The following MAP9 variants were observed in gnomAD, a reference collection of about 807,000 sequenced individuals.
The protein encoded by MAP9 is microtubule-associated protein 9.
A neutral mutation model predicts 75.2 loss-of-function variants in MAP9; 80 were observed. That is an observed-to-expected ratio of 1.06 (90% CI 0.89 to 1.28). The LOEUF (loss-of-function observed/expected upper bound fraction) is 1.28, where lower values mean the gene tolerates loss of function less well. Ranked by LOEUF, MAP9 falls within the 50% of genes most tolerant of loss-of-function variation. The pLI is 0.00. For missense variants in MAP9, 753 were observed against 719.9 expected (o/e 1.05, Z -0.53); for synonymous variants, 235 against 237.3 (o/e 0.99, Z 0.09).
At position 155,346,049 on chromosome 4, in the gene MAP9, T is replaced by C. The variant is rs1284371828; in HGVS notation, c.*1734A>G. ...ACAGTTCTGGCCATATAGAAAGGGT[T>C]CTAGTTTTATCTATGAAATTTCTCT... is the stretch of plus-strand genomic sequence containing the variant. On this transcript the variant is annotated 3_prime_UTR_variant, in exon 14 of 14. Transcript: ENST00000311277. 2 of 152,166 alleles carry C rather than the reference T, an allele frequency of 1.3e-5. No homozygotes were observed. Among genetic ancestry groups the C allele is most frequent in the Non-Finnish European group, 2.9e-5 (2 of 68,026 alleles). 9.4% of individuals were successfully genotyped at this position (152,166 alleles called of 1,614,324 possible). A position where few individuals can be genotyped will look rare whatever the true frequency, so the allele number is the denominator to read the frequency against.
chr4:155,353,994 T>C (rs1731643983), intron 10 of MAP9, among the ~76,000 whole-genome samples: 1 of 152,148 alleles, frequency 6.6e-6, no homozygotes, highest in Non-Finnish European at 1.5e-5. Context: ...ACCTTAATAT[T>C]GGGGTAACAT....
intron 4 of MAP9, among the ~76,000 whole-genome samples, chr4:155,371,841 T>G (rs1338602532): frequency 6.6e-6 from 1 of 152,150 alleles, no homozygotes; most frequent in East Asian, 1.9e-4. Context: ...TGCTCGCATT[T>G]TCTTAATAAC....
At chr4:155,368,940 G>A (rs998095391) in intron 4 of MAP9, 128 bp from the exon 5 acceptor site, 2 of 693,724 alleles carry the variant, frequency 2.9e-6, no homozygotes, top group Non-Finnish European at 4.8e-6. Context: ...GAGTCCAGAT[G>A]AAGCCCACAA....
At chr4:155,355,040 A>G (rs952081941) in intron 10 of MAP9, 31 bp downstream of exon 10, 1 of 1,068,090 alleles carries the variant, frequency 9.4e-7, no homozygotes, top group Non-Finnish European at 1.3e-6. Flanking sequence ...ATAAAAATCC[A>G]AAACATTTTT....
chr4:155,368,534 A>G (rs748349919), intron 5 of MAP9, 52 bp downstream of exon 5: 52 of 1,397,124 alleles, frequency 3.7e-5, no homozygotes, highest in Non-Finnish European at 5.0e-5. Flanking sequence ...ATAATCAGAT[A>G]AAAAAGCATA....
At chr4:155,348,547 G>T (rs960362612) in intron 13 of MAP9, among the ~76,000 whole-genome samples, 2 of 152,088 alleles carry the variant, frequency 1.3e-5, no homozygotes, top group South Asian at 4.1e-4. Context: ...ATTCTCAGAA[G>T]TAAGTTTACT....
rs372098534 is a variant in MAP9, at chr4:155,348,861, A to C, written c.1822-956T>G. 5.9e-5 allele frequency among the ~76,000 whole-genome samples: 9 copies of C among 152,282 alleles called. No homozygotes were observed. The East Asian group carries it at 1.5e-3, about 26-fold the overall frequency. ...CACAATGTATACAATGTAGATGGAA[A>C]CATCACACTGTATTCCATAAATATG... is the stretch of plus-strand genomic sequence containing the variant. On this transcript the variant is annotated intron_variant, in intron 13 of 13. Transcript: ENST00000311277.
rs1182301910 is a variant in MAP9, at chr4:155,376,804, G to C, written c.-98C>G. 1 of 152,878 alleles carries C rather than the reference G, an allele frequency of 6.5e-6. No individual in the cohort carries two copies. Among genetic ancestry groups the C allele is most frequent in the South Asian group, 2.1e-4 (1 of 4,834 alleles). 9.5% of individuals were successfully genotyped at this position (152,878 alleles called of 1,614,324 possible). On this transcript the variant is annotated 5_prime_UTR_variant, in exon 1 of 14. Coordinates refer to ENST00000311277, the MANE Select transcript of MAP9 (RefSeq NM_001039580.2). The stretch of plus-strand genomic sequence containing the variant: ...GGGCCTGGCGGCGCCCGCAGAGCCG[G>C]TCCTGGACCGAGCGAGGAGGAGGGG...
At position 155,360,189 on chromosome 4, in the gene MAP9, G is replaced by A. The variant is rs770335327; in HGVS notation, c.1029C>T (p.Thr343=). 18 of 1,611,492 alleles carry A rather than the reference G, an allele frequency of 1.1e-5. No homozygotes were observed. Among genetic ancestry groups the A allele is most frequent in the Non-Finnish European group, 1.5e-5 (18 of 1,178,088 alleles). ...LSKSQSILIS[T]SATASSKKTI... Reference sequence around the variant, plus strand: ...ATACCTTTGAAGATGCTGTTGCACTGGTAGATATTAAGATACTCTGAGATT... The same window carrying A: ...ATACCTTTGAAGATGCTGTTGCACTAGTAGATATTAAGATACTCTGAGATT... The change falls in exon 7 of 14, where the codon ACC becomes ACT. Residue 343 remains threonine (T), a synonymous_variant. Coordinates refer to ENST00000311277, the MANE Select transcript of MAP9 (RefSeq NM_001039580.2).
chr4:155,345,339 C>G lies in MAP9; in HGVS notation c.*2444G>C, dbSNP rs1237255824. 6.6e-6 allele frequency: 1 copy of G among 152,004 alleles called. No homozygotes were observed. The allele number at this position is 152,004 out of a possible 1,614,324, so 9.4% of individuals were successfully genotyped here. ...ATTTGAAGTGAATGACTTGTTGGGT[C>G]TATGCAAACACCTCATCCTACCTCA... On this transcript the variant is annotated 3_prime_UTR_variant, in exon 14 of 14. Coordinates refer to ENST00000311277, the MANE Select transcript of MAP9 (RefSeq NM_001039580.2).
chr4:155,374,734 T>TA (rs1185738816), intron 3 of MAP9, among the ~76,000 whole-genome samples: 1 of 151,972 alleles, frequency 6.6e-6, no homozygotes, highest in Non-Finnish European at 1.5e-5. Flanking sequence ...AAAACAACAA[T>TA]AAAAAAAGAA....
intron 8 of MAP9, 83 bp from the exon 9 acceptor site, chr4:155,355,967 T>C (rs889113812): frequency 1.6e-6 from 2 of 1,273,114 alleles, no homozygotes; most frequent in Non-Finnish European, 2.2e-6. Context: ...GCACGTATAA[T>C]ATTTGAAAAC....
chr4:155,357,378 TG>T (rs756452559), intron 8 of MAP9, 70 bp downstream of exon 8: 2 of 972,186 alleles, frequency 2.1e-6, no homozygotes, highest in Non-Finnish European at 3.3e-6. Flanking sequence ...ATTTACTTTA[TG>T]AAAGTTAAAT....
chr4:155,371,796 C>T (rs891024724), intron 4 of MAP9, among the ~76,000 whole-genome samples: 13 of 151,466 alleles, frequency 8.6e-5, no homozygotes, highest in Admixed American at 7.9e-4. Flanking sequence ...TTATATACAT[C>T]CACCTGTCTC....
intron 8 of MAP9, chr4:155,357,170 A>T: frequency 3.1e-6 from 1 of 319,060 alleles, no homozygotes; most frequent in Non-Finnish European, 5.7e-6. Flanking sequence ...AGAAAGAAGA[A>T]AAATATTCCT....
At chr4:155,352,320 G>T in intron 13 of MAP9, 1 of 292,428 alleles carries the variant, frequency 3.4e-6, no homozygotes, top group East Asian at 1.2e-4. Flanking sequence ...AGGAAGAATG[G>T]GCATGAATAG....
intron 7 of MAP9, among the ~76,000 whole-genome samples, chr4:155,358,968 T>C (rs13125827): frequency 0.27 from 41,512 of 151,946 alleles, 6,063 homozygotes; most frequent in Non-Finnish European, 0.32. Flanking sequence ...TTGTATACTC[T>C]TGGTAAGAAT....
intron 5 of MAP9, 171 bp downstream of exon 5, chr4:155,368,415 C>A: frequency 1.6e-6 from 1 of 637,426 alleles, no homozygotes; most frequent in Non-Finnish European, 2.8e-6. Flanking sequence ...CAGTTTTAGA[C>A]TCGGTGGAAT....
At chr4:155,374,092 G>A (rs961627836) in intron 3 of MAP9, among the ~76,000 whole-genome samples, 2 of 152,186 alleles carry the variant, frequency 1.3e-5, no homozygotes, top group African/African-American at 4.8e-5. Context: ...TATAATCCCA[G>A]CACTTTGGGA....
Sources: allele counts gnomAD v4.1 joint callset (sites outside exome capture counted in the v4.1 genomes callset), GRCh38; gene constraint gnomAD v4.1.1; transcripts MANE v1.5; gene names NCBI Gene and HGNC (gene_info 2026-07-23, HGNC 2026-07-21).